Variants in PTPRD observed in about 807,000 individuals in gnomAD.
PTPRD encodes the protein protein tyrosine phosphatase receptor type D.
A neutral mutation model predicts 214.5 loss-of-function variants in PTPRD; 34 were observed. The observed-to-expected ratio is 0.16, with a 90% CI of 0.12 to 0.21. The LOEUF is 0.21. Among genes scored for constraint, PTPRD ranks in the 10% least tolerant of loss-of-function variants. The pLI is 1.00. For synonymous variants in PTPRD, 1,128 were observed against 845.7 expected (o/e 1.33, Z -5.79); for missense variants, 2,545 against 2,398.7 (o/e 1.06, Z -1.27).
intron 9 of PTPRD, among the ~76,000 whole-genome samples, chr9:9,281,085 C>T (rs1569567035): frequency 6.6e-6 from 1 of 151,210 alleles, no homozygotes; most frequent in African/African-American, 2.4e-5. Context: ...TATACAGATC[C>T]TACACTGCTC....
Position 9,735,867 on chromosome 9 carries a change from G to A in PTPRD, c.-325-1296C>T, listed in dbSNP as rs79530392. ...ATTTTAAGTTATTTCTTTGCGGTGC[G>A]TTATAAACCACAAAAGATTTGCAAA... On this transcript the variant is annotated intron_variant, in intron 6 of 45. Coordinates refer to ENST00000381196, the MANE Select transcript of PTPRD (RefSeq NM_002839.4). 3.4e-3 allele frequency among the ~76,000 whole-genome samples: 523 copies of A among 152,080 alleles called. 2 individuals carry two copies. The highest frequency in any genetic ancestry group is 0.012 in the African/African-American group (480 of 41,504).
chr9:8,856,053 T>G (rs2097909661), intron 11 of PTPRD, among the ~76,000 whole-genome samples: 1 of 152,354 alleles, frequency 6.6e-6, no homozygotes, highest in South Asian at 2.1e-4. Flanking sequence ...CCATTTAGGA[T>G]GTCTGTTTCC....
intron 11 of PTPRD, among the ~76,000 whole-genome samples, chr9:8,801,792 C>G (rs1379148892): frequency 6.6e-6 from 1 of 152,172 alleles, no homozygotes; most frequent in Non-Finnish European, 1.5e-5. Context: ...CCTAGTGTTA[C>G]TTCTTTCACT....
intron 2 of PTPRD, among the ~76,000 whole-genome samples, chr9:10,560,094 A>G (rs2063532421): frequency 6.6e-6 from 1 of 152,204 alleles, no homozygotes; most frequent in African/African-American, 2.4e-5. Flanking sequence ...TGTTGCTATA[A>G]AAACACATGC....
intron 11 of PTPRD, among the ~76,000 whole-genome samples, chr9:8,871,494 G>C (rs2098298047): frequency 6.6e-6 from 1 of 152,122 alleles, no homozygotes; most frequent in Non-Finnish European, 1.5e-5. Flanking sequence ...TTATGGTAGA[G>C]TTAGACTTCA....
Position 8,675,671 on chromosome 9 carries a change from T to A in PTPRD, c.65-38827A>T, listed in dbSNP as rs73425472. ...CTTCAACATCATCAAAACATTCCAG[T>A]TACTAAGCTTGTGGACCCATCATCT... On this transcript the variant is annotated intron_variant, in intron 12 of 45. Transcript: ENST00000381196. Among the ~76,000 whole-genome samples, 1,189 of 151,968 alleles carry A rather than the reference T, an allele frequency of 7.8e-3. 22 individuals are homozygous for A. The highest frequency in any genetic ancestry group is 0.027 in the African/African-American group (1,134 of 41,412).
intron 11 of PTPRD, among the ~76,000 whole-genome samples, chr9:8,746,000 C>G (rs1384876094): frequency 6.6e-6 from 1 of 152,144 alleles, no homozygotes; most frequent in African/African-American, 2.4e-5. Context: ...GCTATGTTGC[C>G]CAGACTGGTC....
At chr9:10,368,537 A>G (rs554234524) in intron 2 of PTPRD, among the ~76,000 whole-genome samples, 3 of 152,222 alleles carry the variant, frequency 2.0e-5, no homozygotes, top group African/African-American at 7.2e-5. Flanking sequence ...TTTGAAAGCA[A>G]TGTCATTAAA....
chr9:9,733,339 G>A (rs115851383), intron 7 of PTPRD, among the ~76,000 whole-genome samples: 9 of 152,144 alleles, frequency 5.9e-5, no homozygotes, highest in Non-Finnish European at 1.2e-4. Context: ...GCATCATTCA[G>A]TGGCTTTCTT....
intron 11 of PTPRD, among the ~76,000 whole-genome samples, chr9:8,952,032 T>A (rs938720845): frequency 6.6e-5 from 10 of 152,090 alleles, no homozygotes; most frequent in African/African-American, 2.4e-4. Flanking sequence ...TATATAAAAA[T>A]ATATATGATA....
intron 3 of PTPRD, among the ~76,000 whole-genome samples, chr9:10,036,310 G>A (rs1410566590): frequency 6.6e-6 from 1 of 152,026 alleles, no homozygotes; most frequent in Non-Finnish European, 1.5e-5. Flanking sequence ...GATCATCAAT[G>A]TGTTACCCGC....
chr9:10,458,446 G>T (rs1480542627), intron 2 of PTPRD, among the ~76,000 whole-genome samples: 1 of 152,122 alleles, frequency 6.6e-6, no homozygotes, highest in Non-Finnish European at 1.5e-5. Context: ...ATAACCACAT[G>T]ATCATAACAA....
At chr9:10,139,503 T>A (rs1042020802) in intron 3 of PTPRD, among the ~76,000 whole-genome samples, 6 of 152,028 alleles carry the variant, frequency 3.9e-5, no homozygotes, top group African/African-American at 1.4e-4. Flanking sequence ...ACATCATTTT[T>A]CACAGAATTT....
chr9:8,865,812 A>G (rs2098186794), intron 11 of PTPRD, among the ~76,000 whole-genome samples: 1 of 152,200 alleles, frequency 6.6e-6, no homozygotes, highest in Admixed American at 6.5e-5. Context: ...GAGTTTGGTC[A>G]GAGTTAGGCC....
intron 2 of PTPRD, among the ~76,000 whole-genome samples, chr9:10,419,524 T>G (rs2098526645): frequency 6.6e-6 from 1 of 151,920 alleles, no homozygotes; most frequent in African/African-American, 2.4e-5. Flanking sequence ...CTAATTGCAA[T>G]GGCTTTATAT....
At chr9:9,873,689 T>C (rs1263197483) in intron 5 of PTPRD, among the ~76,000 whole-genome samples, 1 of 152,188 alleles carries the variant, frequency 6.6e-6, no homozygotes, top group Non-Finnish European at 1.5e-5. Context: ...ACACGAATTA[T>C]GTAAATGCTC....
At chr9:10,415,063 C>G (rs551320194) in intron 2 of PTPRD, among the ~76,000 whole-genome samples, 1 of 151,372 alleles carries the variant, frequency 6.6e-6, no homozygotes, top group African/African-American at 2.4e-5. Flanking sequence ...ACATAACAAA[C>G]CTGCACATAT....
At chr9:8,322,054 G>C (rs1176270933) in intron 44 of PTPRD, among the ~76,000 whole-genome samples, 2 of 151,984 alleles carry the variant, frequency 1.3e-5, no homozygotes, top group Non-Finnish European at 2.9e-5. Context: ...ACTGCAATTG[G>C]TTTGGGGTGC....
At chr9:10,369,845 G>A (rs1159615938) in intron 2 of PTPRD, among the ~76,000 whole-genome samples, 1 of 151,964 alleles carries the variant, frequency 6.6e-6, no homozygotes, top group Non-Finnish European at 1.5e-5. Flanking sequence ...TCTCGGTTAA[G>A]TTTTAAGAAA....
Sources: gnomAD v4.1 joint callset for allele counts (sites outside exome capture counted in the v4.1 genomes callset) on GRCh38, gnomAD v4.1.1 for gene constraint, MANE v1.5 for transcripts, NCBI Gene and HGNC (gene_info 2026-07-23, HGNC 2026-07-21) for gene names.